Variants in CAMKMT observed in about 807,000 individuals in gnomAD.
The protein encoded by CAMKMT is CaM KMT.
Under a neutral mutation model 48.0 loss-of-function variants are expected in CAMKMT, and 53 were observed. The ratio of observed to expected loss-of-function variants is 1.10; its 90% confidence interval spans 0.89 to 1.39. The LOEUF is 1.39. Among genes scored for constraint, CAMKMT ranks in the 40% most tolerant of loss-of-function variants. CAMKMT has a pLI of 0.00. For synonymous variants in CAMKMT, 165 were observed against 152.3 expected, an observed-to-expected ratio of 1.08 and a Z score of -0.61; for missense variants, 428 against 402.7, an observed-to-expected ratio of 1.06 and a Z score of -0.54.
chr2:44,402,919 G>C (rs1487502501), intron 3 of CAMKMT, among the ~76,000 whole-genome samples: 1 of 135,712 alleles, frequency 7.4e-6, no homozygotes, highest in East Asian at 3.1e-4. Flanking sequence ...AGATATTACT[G>C]AAAGTTTTTT....
At chr2:44,518,029 C>T (rs1325363514) in intron 3 of CAMKMT, among the ~76,000 whole-genome samples, 2 of 152,082 alleles carry the variant, frequency 1.3e-5, no homozygotes, top group Non-Finnish European at 2.9e-5. Flanking sequence ...GCTCTGGTGC[C>T]AGCCAGTGTT....
At chr2:44,367,706 A>T (rs986118479) in intron 1 of CAMKMT, among the ~76,000 whole-genome samples, 5 of 152,198 alleles carry the variant, frequency 3.3e-5, no homozygotes, top group Non-Finnish European at 7.3e-5. Context: ...AAGGAAAGGG[A>T]TATTGATCAG....
chr2:44,392,744 A>G (rs7576980), intron 3 of CAMKMT, among the ~76,000 whole-genome samples: 1,717 of 152,136 alleles, frequency 0.011, 26 homozygotes, highest in African/African-American at 0.039. Context: ...CGATTTTTTA[A>G]TTTTTAAAAA....
At chr2:44,600,664 A>G (rs1474131636) in intron 3 of CAMKMT, among the ~76,000 whole-genome samples, 3 of 152,104 alleles carry the variant, frequency 2.0e-5, no homozygotes, top group Non-Finnish European at 4.4e-5. Flanking sequence ...GTTAACATAT[A>G]CAGATACAGA....
intron 3 of CAMKMT, among the ~76,000 whole-genome samples, chr2:44,490,766 T>C (rs942037924): frequency 4.6e-5 from 7 of 152,142 alleles, no homozygotes; most frequent in African/African-American, 1.7e-4. Context: ...AAATTCAGCT[T>C]TACTATTTTC....
intron 3 of CAMKMT, among the ~76,000 whole-genome samples, chr2:44,411,110 T>C (rs1461167833): frequency 6.6e-6 from 1 of 152,142 alleles, no homozygotes; most frequent in Non-Finnish European, 1.5e-5. Context: ...AGTTGAAAAT[T>C]TGATTTAGTT....
rs1050491370 is a variant in CAMKMT at position 44,718,533 on chromosome 2, A to G, written c.623+3180A>G. On this transcript the variant is annotated intron_variant, in intron 7 of 10. Coordinates refer to ENST00000378494, the MANE Select transcript of CAMKMT (RefSeq NM_024766.5). ...AAACCATGCTACTAAATATAGCTAGAGATTGATGAAAGAGCAAGGATATTT... is the reference window on the plus strand; with the variant it reads ...AAACCATGCTACTAAATATAGCTAGGGATTGATGAAAGAGCAAGGATATTT... Among the ~76,000 whole-genome samples, 17 of 152,220 alleles carry G rather than the reference A, an allele frequency of 1.1e-4. 1 individual carries two copies. The highest frequency in any genetic ancestry group is 1.0e-3 in the Admixed American group (16 of 15,274).
At chr2:44,488,705 C>T (rs1350015117) in intron 3 of CAMKMT, among the ~76,000 whole-genome samples, 1 of 150,234 alleles carries the variant, frequency 6.7e-6, no homozygotes, top group South Asian at 2.1e-4. Context: ...TCTCTCAAAT[C>T]AAACAAAAAA....
intron 3 of CAMKMT, among the ~76,000 whole-genome samples, chr2:44,429,690 A>G (rs1684520329): frequency 6.6e-6 from 1 of 151,256 alleles, no homozygotes; most frequent in Non-Finnish European, 1.5e-5. Context: ...AGTCCCAGCT[A>G]CTCGGGAGGC....
At chr2:44,648,451 A>G (rs557744465) in intron 3 of CAMKMT, among the ~76,000 whole-genome samples, 2 of 152,366 alleles carry the variant, frequency 1.3e-5, no homozygotes, top group South Asian at 4.1e-4. Flanking sequence ...TTTGCCTGTC[A>G]TGGAGAACAT....
chr2:44,633,217 A>G (rs1429187370), intron 3 of CAMKMT, among the ~76,000 whole-genome samples: 1 of 152,108 alleles, frequency 6.6e-6, no homozygotes, highest in African/African-American at 2.4e-5. Flanking sequence ...AGAGAACTTT[A>G]TCACTGGTTT....
intron 7 of CAMKMT, among the ~76,000 whole-genome samples, chr2:44,739,979 C>T (rs1679581751): frequency 6.6e-6 from 1 of 151,788 alleles, no homozygotes; most frequent in South Asian, 2.1e-4. Context: ...ATCTAGGTGG[C>T]ATAAGAGAAG....
At chr2:44,682,322 A>G (rs1191280063) in intron 3 of CAMKMT, among the ~76,000 whole-genome samples, 1 of 152,198 alleles carries the variant, frequency 6.6e-6, no homozygotes, top group Non-Finnish European at 1.5e-5. Flanking sequence ...TATCTACTCC[A>G]TTTACTCTTA....
intron 3 of CAMKMT, among the ~76,000 whole-genome samples, chr2:44,487,265 T>C (rs1050760931): frequency 2.0e-5 from 3 of 152,182 alleles, no homozygotes; most frequent in Non-Finnish European, 4.4e-5. Context: ...CTTTTTTTTT[T>C]CTGATAACAT....
At chr2:44,539,374 C>T (rs1276798483) in intron 3 of CAMKMT, among the ~76,000 whole-genome samples, 1 of 151,374 alleles carries the variant, frequency 6.6e-6, no homozygotes, top group African/African-American at 2.4e-5. Flanking sequence ...TTTTCTGAAC[C>T]ATTTGCAAGT....
chr2:44,644,219 G>A (rs907291093), intron 3 of CAMKMT, among the ~76,000 whole-genome samples: 1 of 152,122 alleles, frequency 6.6e-6, no homozygotes, highest in African/African-American at 2.4e-5. Flanking sequence ...GGGTCATCCT[G>A]TATAATTCTT....
chr2:44,771,956 T>C lies in CAMKMT; in HGVS notation c.895-80T>C. On this transcript the variant is annotated intron_variant, in intron 10 of 10. Transcript: ENST00000378494. Reference sequence around the variant, plus strand: ...ATATATTTTGGTGTAAAAGTCATCATGATACTCAACATTAATATTGACTGG... The same window carrying C: ...ATATATTTTGGTGTAAAAGTCATCACGATACTCAACATTAATATTGACTGG... The C allele has an allele frequency of 2.1e-6, 2 of 965,700 alleles. 1 individual carries two copies. The highest frequency in any genetic ancestry group is 2.9e-5 in the South Asian group (2 of 69,718). The allele number at this position is 965,700 out of a possible 1,614,324, so 59.8% of individuals were successfully genotyped here. A position where few individuals can be genotyped will look rare whatever the true frequency, so the allele number is the denominator to read the frequency against.
rs546397399 is a variant in CAMKMT at position 44,571,966 on chromosome 2, AT to A, written c.377-132316del. ...CTACCTTCATGAATTATTACCAAAA[AT>A]CCTATTTTAAAATATTTTTTATCAT... On this transcript the variant is annotated intron_variant, in intron 3 of 10. Transcript: ENST00000378494. Among the ~76,000 whole-genome samples the A allele has an allele frequency of 1.7e-4, 26 of 152,340 alleles. No homozygotes were observed. In the South Asian group the frequency reaches 5.0e-3, roughly 29 times the overall value.
At chr2:44,678,015 T>C (rs1558790106) in intron 3 of CAMKMT, among the ~76,000 whole-genome samples, 1 of 151,802 alleles carries the variant, frequency 6.6e-6, no homozygotes, top group East Asian at 1.9e-4. Flanking sequence ...AATTTTACAA[T>C]GGGAAATAAC....
Sources: gnomAD v4.1 joint callset for allele counts (sites outside exome capture counted in the v4.1 genomes callset) on GRCh38, gnomAD v4.1.1 for gene constraint, MANE v1.5 for transcripts, NCBI Gene and HGNC (gene_info 2026-07-23, HGNC 2026-07-21) for gene names.